BIN1: variants seen among roughly 807,000 people sequenced by gnomAD.
BIN1 encodes the protein myc box-dependent-interacting protein 1.
A neutral mutation model predicts 82.0 loss-of-function variants in BIN1; 53 were observed. The observed-to-expected ratio is 0.65, with a 90% CI of 0.52 to 0.81. The LOEUF (loss-of-function observed/expected upper bound fraction) is 0.81. Ranked by LOEUF, BIN1 falls within the 40% of genes least tolerant of loss-of-function variation. The pLI is 0.00. For synonymous variants in BIN1, 302 were observed against 328.0 expected (o/e 0.92, Z 0.86); for missense variants, 642 against 784.4 (o/e 0.82, Z 2.17).
At chr2:127,063,477 G>A (rs978724686) in intron 9 of BIN1, 94 bp downstream of exon 9, 1 of 1,332,916 alleles carries the variant, frequency 7.5e-7, no homozygotes, top group African/African-American at 1.5e-5. Flanking sequence ...AACCTGGCAG[G>A]GAAGGAGGAG....
intron 18 of BIN1, among the ~76,000 whole-genome samples, chr2:127,049,391 A>G (rs752247812): frequency 6.6e-6 from 1 of 152,112 alleles, no homozygotes; most frequent in Non-Finnish European, 1.5e-5. Context: ...GGGCCAAATC[A>G]GTGCCAGGCC....
rs367893506 is a variant in BIN1, at chr2:127,060,590, C to T, written c.858-1435G>A. Reference sequence around the variant, plus strand: ...TGCGCCCCTCCGCAGCACTCACTGCCGGTACCTGTTCTTCTTTCTGCGCAG... The same window carrying T: ...TGCGCCCCTCCGCAGCACTCACTGCTGGTACCTGTTCTTCTTTCTGCGCAG... On this transcript the variant is annotated intron_variant, in intron 10 of 18. Coordinates refer to ENST00000316724, the MANE Select transcript of BIN1 (RefSeq NM_139343.3). 5.6e-6 allele frequency: 9 copies of T among 1,614,032 alleles called. No individual in the cohort carries two copies. The East Asian group carries it at 6.7e-5, about 12-fold the overall frequency.
intron 2 of BIN1, among the ~76,000 whole-genome samples, chr2:127,076,048 G>A (rs912849692): frequency 1.4e-5 from 2 of 142,188 alleles, no homozygotes; most frequent in Non-Finnish European, 3.1e-5. Flanking sequence ...CCTCGCAGCT[G>A]CTCCCAGTCC....
Position 127,053,931 on chromosome 2 carries a change from C to A in BIN1, c.1213G>T (p.Val405Leu). The change falls in exon 13 of 19, where the codon GTG becomes TTG. Residue 405 changes from valine (V) to leucine (L), a missense_variant. Coordinates refer to ENST00000316724, the MANE Select transcript of BIN1 (RefSeq NM_139343.3). Reference sequence around the variant, plus strand: ...TGACCAGAGGGCGTGGGTGCCTTCACAGGGCTCGTCACGGGCGGGAGGGGG... The same window carrying A: ...TGACCAGAGGGCGTGGGTGCCTTCAAAGGGCTCGTCACGGGCGGGAGGGGG... ...FDPLPPVTSP[V>L]KAPTPSGQSI... The A allele has an allele frequency of 6.4e-7, 1 of 1,551,604 alleles. No individual in the cohort carries two copies. Among genetic ancestry groups the A allele is most frequent in the South Asian group, 1.2e-5 (1 of 84,066 alleles).
intron 1 of BIN1, among the ~76,000 whole-genome samples, chr2:127,081,399 G>T (rs1441991989): frequency 6.6e-6 from 1 of 152,222 alleles, no homozygotes; most frequent in Non-Finnish European, 1.5e-5. Flanking sequence ...AGTGAGGAGG[G>T]CCGGGTCTTC....
rs929509426 is a variant in BIN1, at chr2:127,078,707, A to G, written c.85-2001T>C. The stretch of plus-strand genomic sequence containing the variant: ...TGAGCAAGAAAATGTACACTGCACA[A>G]CTTGCAGGCTCCCCACTGCTGCCCC... On this transcript the variant is annotated intron_variant, in intron 1 of 18. Coordinates refer to ENST00000316724, the MANE Select transcript of BIN1 (RefSeq NM_139343.3). 2.6e-5 allele frequency among the ~76,000 whole-genome samples: 4 copies of G among 152,214 alleles called. 1 individual carries two copies. The highest frequency in any genetic ancestry group is 9.6e-5 in the African/African-American group (4 of 41,462).
chr2:127,064,140 A>C (rs1684859784), intron 7 of BIN1, 122 bp from the exon 8 acceptor site: 1 of 1,133,192 alleles, frequency 8.8e-7, no homozygotes, highest in Non-Finnish European at 1.3e-6. Flanking sequence ...GGCTCCGGGC[A>C]AGACAGAGGC....
At chr2:127,088,117 G>A (rs1264998117) in intron 1 of BIN1, among the ~76,000 whole-genome samples, 1 of 152,208 alleles carries the variant, frequency 6.6e-6, no homozygotes, top group East Asian at 1.9e-4. Flanking sequence ...TCGGCTGTAG[G>A]GCCTGGTGGC....
intron 16 of BIN1, 93 bp from the exon 17 acceptor site, chr2:127,051,005 T>C (rs1682867166): frequency 6.7e-7 from 1 of 1,498,948 alleles, no homozygotes; most frequent in Admixed American, 1.7e-5. Flanking sequence ...GGGAGAAAGG[T>C]GTCTGCGCCT....
At position 127,057,172 on chromosome 2, in the gene BIN1, C is replaced by T. The variant is rs531903369; in HGVS notation, c.1131+301G>A. On this transcript the variant is annotated intron_variant, in intron 12 of 18. Transcript: ENST00000316724. This position sits in a 1 kb window ranked among gnomAD's most constrained non-coding sequence, Gnocchi z 5.0. ...ACAGCCACACGTCCTCCACACTCCCCGATCCCCTCTGCCATAGCACCCACT... is the reference window on the plus strand; with the variant it reads ...ACAGCCACACGTCCTCCACACTCCCTGATCCCCTCTGCCATAGCACCCACT... Among the ~76,000 whole-genome samples, 229 of 152,362 alleles carry T rather than the reference C, an allele frequency of 1.5e-3. 1 individual carries two copies. Among genetic ancestry groups the T allele is most frequent in the Admixed American group, 1.8e-3 (27 of 15,314 alleles).
chr2:127,053,405 G>A lies in BIN1; in HGVS notation c.1263+17C>T, dbSNP rs569766405. On this transcript the variant is annotated intron_variant, in intron 14 of 18. Coordinates refer to ENST00000316724, the MANE Select transcript of BIN1 (RefSeq NM_139343.3). ...GGCTCCCCCAGGGGCTGGACAAAGA[G>A]CAGACGTGCAGCTTACCTCCCAGAG... is the stretch of plus-strand genomic sequence containing the variant. 4 of 1,613,908 alleles carry A rather than the reference G, an allele frequency of 2.5e-6. No individual in the cohort carries two copies. The highest frequency in any genetic ancestry group is 3.3e-5 in the Admixed American group (2 of 59,996).
chr2:127,076,479 C>T (rs1686630744), intron 2 of BIN1, 147 bp downstream of exon 2: 4 of 922,044 alleles, frequency 4.3e-6, no homozygotes, highest in Non-Finnish European at 3.6e-6. Context: ...AGTGCTCCCT[C>T]CTCTAGGAAG....
rs1045325510 is a variant in BIN1 at position 127,069,794 on chromosome 2, G to A, written c.411+201C>T. ...CCGTGAGGCTTCCTCCCATAGCCCT[G>A]AGACCCAAAGGGACAGGAAAGGAAT... On this transcript the variant is annotated intron_variant, in intron 5 of 18. Coordinates refer to ENST00000316724, the MANE Select transcript of BIN1 (RefSeq NM_139343.3). Among the ~76,000 whole-genome samples the A allele has an allele frequency of 3.3e-5, 5 of 151,726 alleles. No individual in the cohort carries two copies. The South Asian group carries it at 8.3e-4, about 25-fold the overall frequency.
At position 127,063,719 on chromosome 2, in the gene BIN1, C is replaced by T. The variant is rs896415206; in HGVS notation, c.699-73G>A. 1.5e-5 allele frequency: 23 copies of T among 1,517,032 alleles called. No individual in the cohort carries two copies. The African/African-American group carries it at 1.9e-4, about 13-fold the overall frequency. The allele number at this position is 1,517,032 out of a possible 1,614,324, so 94.0% of individuals were successfully genotyped here. On this transcript the variant is annotated intron_variant, in intron 8 of 18. Coordinates refer to ENST00000316724, the MANE Select transcript of BIN1 (RefSeq NM_139343.3). Reference sequence around the variant, plus strand: ...ACAGCAACTCAGAAATACCCACCCACGAGCGACCACACACGCTCATCAGAG... The same window carrying T: ...ACAGCAACTCAGAAATACCCACCCATGAGCGACCACACACGCTCATCAGAG...
At chr2:127,103,979 C>T (rs887736653) in intron 1 of BIN1, among the ~76,000 whole-genome samples, 2 of 152,226 alleles carry the variant, frequency 1.3e-5, no homozygotes, top group Non-Finnish European at 2.9e-5. Flanking sequence ...CCTGGCAACC[C>T]TTCCAATTTA....
intron 14 of BIN1, chr2:127,052,668 C>A (rs909888407): frequency 2.3e-6 from 1 of 425,700 alleles, no homozygotes; most frequent in Admixed American, 3.9e-5. Context: ...GGAAATCCTG[C>A]GGTGGAGCCT....
intron 1 of BIN1, chr2:127,081,734 CCACA>C: frequency 1.6e-6 from 2 of 1,225,272 alleles, no homozygotes; most frequent in Non-Finnish European, 2.1e-6. Flanking sequence ...CACCCCACCC[CCACA>C]CACACATGGA....
At chr2:127,084,403 C>T (rs747647759) in intron 1 of BIN1, among the ~76,000 whole-genome samples, 78 of 152,312 alleles carry the variant, frequency 5.1e-4, no homozygotes, top group Middle Eastern at 3.4e-3. Flanking sequence ...ATCCCAAGTG[C>T]GACCAGTGGG....
chr2:127,081,752 G>T, intron 1 of BIN1: 1 of 1,266,382 alleles, frequency 7.9e-7, no homozygotes, highest in Non-Finnish European at 1.0e-6. Flanking sequence ...ACATGGAAGG[G>T]GGACCTCATC....
Sources: gnomAD v4.1 joint callset for allele counts (sites outside exome capture counted in the v4.1 genomes callset) on GRCh38, gnomAD v4.1.1 for gene constraint, Gnocchi (gnomAD v3.1) non-coding constraint, MANE v1.5 for transcripts, NCBI Gene and HGNC (gene_info 2026-07-23, HGNC 2026-07-21) for gene names.